Variants in ATXN1 observed in about 807,000 individuals in gnomAD.
ATXN1 encodes ataxin-1.
ATXN1 carries 8 observed loss-of-function variants against 56.4 expected under a neutral mutation model. The ratio of observed to expected loss-of-function variants is 0.14; its 90% confidence interval spans 0.08 to 0.26. The LOEUF is 0.26. Among genes scored for constraint, ATXN1 ranks in the 10% least tolerant of loss-of-function variants. The pLI is 1.00. For missense variants in ATXN1, 987 were observed against 1,106.5 expected (o/e 0.89, Z 1.53); for synonymous variants, 514 against 494.6 (o/e 1.04, Z -0.52).
At chr6:16,758,766 A>G (rs1443194511) in intron 1 of ATXN1, among the ~76,000 whole-genome samples, 1 of 152,234 alleles carries the variant, frequency 6.6e-6, no homozygotes, top group Non-Finnish European at 1.5e-5. Context: ...CAGGAGGTTC[A>G]GGGGAGCCCT....
chr6:16,383,755 G>T (rs1758183016), intron 6 of ATXN1, among the ~76,000 whole-genome samples: 1 of 152,210 alleles, frequency 6.6e-6, no homozygotes, highest in African/African-American at 2.4e-5. Context: ...TTGACATGGG[G>T]CACTCCTTTG....
chr6:16,667,243 C>CT (rs1758447644), intron 2 of ATXN1: 1 of 152,226 alleles, frequency 6.6e-6, no homozygotes, highest in Non-Finnish European at 1.5e-5. Flanking sequence ...CAAAGATTCT[C>CT]TATCTCCTCA....
At chr6:16,343,072 C>T (rs1241419882) in intron 6 of ATXN1, among the ~76,000 whole-genome samples, 6 of 152,212 alleles carry the variant, frequency 3.9e-5, no homozygotes, top group Admixed American at 6.5e-5. Flanking sequence ...TGGCTGGGCG[C>T]GTTGGCTCAC....
intron 3 of ATXN1, among the ~76,000 whole-genome samples, chr6:16,625,687 G>A (rs562310277): frequency 1.1e-4 from 17 of 151,954 alleles, no homozygotes; most frequent in Non-Finnish European, 2.4e-4. Context: ...ATGGGGTTCC[G>A]TATAGTAACC....
At chr6:16,646,488 C>T (rs1030759258) in intron 3 of ATXN1, among the ~76,000 whole-genome samples, 6 of 152,204 alleles carry the variant, frequency 3.9e-5, no homozygotes, top group African/African-American at 1.4e-4. Flanking sequence ...TCACACTCAC[C>T]GTTATCATCA....
At chr6:16,388,333 A>G (rs1454054275) in intron 6 of ATXN1, among the ~76,000 whole-genome samples, 11 of 152,128 alleles carry the variant, frequency 7.2e-5, no homozygotes, top group Admixed American at 7.2e-4. Context: ...AAAATACAGA[A>G]CTTTCCTGAG....
chr6:16,603,784 T>C (rs1467134217), intron 3 of ATXN1, among the ~76,000 whole-genome samples: 1 of 152,056 alleles, frequency 6.6e-6, no homozygotes, highest in Non-Finnish European at 1.5e-5. Flanking sequence ...CAGGTGAAAC[T>C]GGCCTGGTGG....
At chr6:16,665,838 G>A (rs1435738940) in intron 2 of ATXN1, among the ~76,000 whole-genome samples, 4 of 152,110 alleles carry the variant, frequency 2.6e-5, no homozygotes, top group African/African-American at 9.7e-5. Context: ...TGAGAAGTGT[G>A]CATTTTTAAT....
chr6:16,398,871 T>C (rs1758508128), intron 6 of ATXN1, among the ~76,000 whole-genome samples: 1 of 152,218 alleles, frequency 6.6e-6, no homozygotes, highest in Admixed American at 6.5e-5. Context: ...TTGCTCTAGC[T>C]TGAGACTAAA....
chr6:16,507,510 T>C (rs921275339), intron 5 of ATXN1, among the ~76,000 whole-genome samples: 7 of 152,242 alleles, frequency 4.6e-5, no homozygotes, highest in African/African-American at 1.7e-4. Context: ...ATAGAAGCTC[T>C]TTCTTTGACT....
intron 3 of ATXN1, among the ~76,000 whole-genome samples, chr6:16,605,900 G>T (rs922086373): frequency 6.6e-6 from 1 of 152,144 alleles, no homozygotes; most frequent in Admixed American, 6.5e-5. Context: ...GGCTGAGATG[G>T]GAGGATCACT....
intron 3 of ATXN1, among the ~76,000 whole-genome samples, chr6:16,590,364 C>T (rs1261984978): frequency 6.6e-6 from 1 of 152,120 alleles, no homozygotes; most frequent in Non-Finnish European, 1.5e-5. Flanking sequence ...ACAAATGCTA[C>T]CAGTACATAG....
At position 16,303,730 on chromosome 6, in the gene ATXN1, G is replaced by A. The variant is rs182264870; in HGVS notation, c.*2599C>T. The stretch of plus-strand genomic sequence containing the variant: ...AGTGGATCCAGTCAATTCAATACTC[G>A]AAGTAAGCCAAAAGGTGGTGTGTGT... On this transcript the variant is annotated 3_prime_UTR_variant, in exon 8 of 8. Coordinates refer to ENST00000436367, the MANE Select transcript of ATXN1 (RefSeq NM_001128164.2). This position sits in a 1 kb window ranked among gnomAD's most constrained non-coding sequence, Gnocchi z 4.3. 9 of 152,664 alleles carry A rather than the reference G, an allele frequency of 5.9e-5. No individual in the cohort carries two copies. The highest frequency in any genetic ancestry group is 3.9e-4 in the Admixed American group (6 of 15,278). The allele number at this position is 152,664 out of a possible 1,614,324, so 9.5% of individuals were successfully genotyped here.
At chr6:16,653,095 C>T (rs1005921677) in intron 3 of ATXN1, 3 of 152,216 alleles carry the variant, frequency 2.0e-5, no homozygotes, top group Admixed American at 1.3e-4. Context: ...TCCTGATGGC[C>T]ACGCTGGTTC....
At chr6:16,484,943 A>T (rs1201786630) in intron 6 of ATXN1, among the ~76,000 whole-genome samples, 1 of 124,274 alleles carries the variant, frequency 8.0e-6, no homozygotes. Flanking sequence ...AAACCTAAAT[A>T]TATATGTGTG....
intron 5 of ATXN1, among the ~76,000 whole-genome samples, chr6:16,515,621 C>T (rs1352293036): frequency 6.6e-6 from 1 of 152,226 alleles, no homozygotes; most frequent in African/African-American, 2.4e-5. Flanking sequence ...CTCCCCCTTT[C>T]TCTCTATGAG....
chr6:16,495,694 CT>C (rs1760764940), intron 5 of ATXN1, among the ~76,000 whole-genome samples: 1 of 152,052 alleles, frequency 6.6e-6, no homozygotes, highest in East Asian at 1.9e-4. Context: ...GAAACCCTGT[CT>C]CTACTAAAAA....
intron 5 of ATXN1, among the ~76,000 whole-genome samples, chr6:16,509,674 C>G (rs545822734): frequency 6.6e-6 from 1 of 152,286 alleles, no homozygotes; most frequent in South Asian, 2.1e-4. Flanking sequence ...ACTCCCCACT[C>G]CCGTCTATCC....
chr6:16,344,908 C>T (rs1359710396), intron 6 of ATXN1, among the ~76,000 whole-genome samples: 1 of 152,246 alleles, frequency 6.6e-6, no homozygotes, highest in Non-Finnish European at 1.5e-5. Flanking sequence ...CTCAGCAAAG[C>T]CACTTCCGGC....
Sources: gnomAD v4.1 joint callset for allele counts (sites outside exome capture counted in the v4.1 genomes callset) on GRCh38, gnomAD v4.1.1 for gene constraint, Gnocchi (gnomAD v3.1) non-coding constraint, MANE v1.5 for transcripts, NCBI Gene and HGNC (gene_info 2026-07-23, HGNC 2026-07-21) for gene names.